PXDNL: variants seen among roughly 807,000 people sequenced by gnomAD.
PXDNL encodes peroxidasin like, also known as probable oxidoreductase PXDNL.
Under a neutral mutation model 150.8 loss-of-function variants are expected in PXDNL, and 145 were observed. The observed-to-expected ratio is 0.96, with a 90% CI of 0.84 to 1.10. The LOEUF is 1.10. PXDNL is among the 50% of genes least tolerant of loss of function. The pLI is 0.00. For synonymous variants in PXDNL, 757 were observed against 725.7 expected, an observed-to-expected ratio of 1.04 and a Z score of -0.69; for missense variants, 2,087 against 1,873.9, an observed-to-expected ratio of 1.11 and a Z score of -2.10.
At chr8:51,772,255 C>T (rs1331838941) in intron 1 of PXDNL, among the ~76,000 whole-genome samples, 1 of 151,528 alleles carries the variant, frequency 6.6e-6, no homozygotes, top group Non-Finnish European at 1.5e-5. Context: ...CACACACACA[C>T]ACACACACAT....
intron 14 of PXDNL, among the ~76,000 whole-genome samples, chr8:51,422,184 T>C (rs571860397): frequency 1.1e-4 from 16 of 152,174 alleles, no homozygotes; most frequent in Middle Eastern, 3.4e-3. Context: ...AAAAACAAGG[T>C]CAGGGCTCCC....
chr8:51,495,712 C>G (rs1811030696), intron 5 of PXDNL, among the ~76,000 whole-genome samples: 1 of 152,120 alleles, frequency 6.6e-6, no homozygotes. Flanking sequence ...CACATACACC[C>G]TCCCAAGACT....
chr8:51,652,321 C>T (rs1815056576), intron 2 of PXDNL, among the ~76,000 whole-genome samples: 4 of 151,970 alleles, frequency 2.6e-5, no homozygotes, highest in Admixed American at 2.6e-4. Flanking sequence ...TAACAAATTC[C>T]TCTGAAGTCT....
chr8:51,723,960 G>A (rs748672331), intron 1 of PXDNL, among the ~76,000 whole-genome samples: 22 of 151,986 alleles, frequency 1.4e-4, no homozygotes, highest in Non-Finnish European at 2.6e-4. Context: ...CAGGGGTGGA[G>A]AAGAGGAAAT....
At chr8:51,499,992 C>T (rs1286925089) in intron 4 of PXDNL, among the ~76,000 whole-genome samples, 1 of 152,154 alleles carries the variant, frequency 6.6e-6, no homozygotes, top group Admixed American at 6.5e-5. Context: ...AAAGCCCACC[C>T]AGAAAGGAGC....
intron 17 of PXDNL, among the ~76,000 whole-genome samples, chr8:51,406,700 C>G (rs1477882592): frequency 6.6e-6 from 1 of 152,134 alleles, no homozygotes; most frequent in African/African-American, 2.4e-5. Context: ...TGCTGTGAGC[C>G]TTCCATTTCT....
chr8:51,692,209 C>T (rs1182680014), intron 1 of PXDNL, among the ~76,000 whole-genome samples: 1 of 152,144 alleles, frequency 6.6e-6, no homozygotes, highest in Non-Finnish European at 1.5e-5. Flanking sequence ...AAGGATCTGA[C>T]TGATGAGCAT....
intron 3 of PXDNL, among the ~76,000 whole-genome samples, chr8:51,562,508 T>G (rs554989044): frequency 4.6e-5 from 7 of 152,118 alleles, no homozygotes; most frequent in Admixed American, 4.6e-4. Context: ...GACACTAAAA[T>G]TTTGGGGAAA....
At chr8:51,683,064 T>G (rs1035119756) in intron 1 of PXDNL, among the ~76,000 whole-genome samples, 12 of 150,580 alleles carry the variant, frequency 8.0e-5, no homozygotes, top group African/African-American at 2.7e-4. Flanking sequence ...CTGAGGAATC[T>G]CCATACTGTT....
intron 17 of PXDNL, among the ~76,000 whole-genome samples, chr8:51,378,654 G>A (rs562847278): frequency 6.6e-6 from 1 of 152,290 alleles, no homozygotes; most frequent in East Asian, 1.9e-4. Context: ...GGCTTTATGA[G>A]CTGTAACACT....
At chr8:51,471,313 T>C in intron 8 of PXDNL, among the ~76,000 whole-genome samples, 1 of 152,230 alleles carries the variant, frequency 6.6e-6, no homozygotes, top group Non-Finnish European at 1.5e-5. Context: ...AGAATGGTGA[T>C]CACATTTAAC....
chr8:51,691,537 A>T (rs1648867934), intron 1 of PXDNL, among the ~76,000 whole-genome samples: 1 of 152,154 alleles, frequency 6.6e-6, no homozygotes, highest in African/African-American at 2.4e-5. Context: ...AGAGACAAAC[A>T]TTTACAAGTA....
At chr8:51,378,414 T>G (rs1479470476) in intron 17 of PXDNL, among the ~76,000 whole-genome samples, 2 of 152,200 alleles carry the variant, frequency 1.3e-5, no homozygotes, top group Non-Finnish European at 2.9e-5. Flanking sequence ...CTTTTGTGCC[T>G]AGCTCAGGGA....
intron 1 of PXDNL, among the ~76,000 whole-genome samples, chr8:51,721,071 G>A (rs112833976): frequency 0.014 from 2,064 of 152,366 alleles, 29 homozygotes; most frequent in South Asian, 0.045. Flanking sequence ...ACAAGTCTCA[G>A]AGCCTCCTGG....
intron 1 of PXDNL, among the ~76,000 whole-genome samples, chr8:51,668,176 C>CTCTTTTTTTTTTTTT (rs1554564343): frequency 1.8e-4 from 14 of 77,386 alleles, no homozygotes; most frequent in East Asian, 9.8e-4. Flanking sequence ...CTCGCTCTCT[C>CTCTTTTTTTTTTTTT]TTTTTTTTTT....
At position 51,408,590 on chromosome 8, in the gene PXDNL, T is replaced by C. The variant is rs766162002; in HGVS notation, c.3034A>G (p.Ile1012Val). The change falls in exon 17 of 23, where the codon ATC becomes GTC. Residue 1012 changes from isoleucine to valine, a missense_variant. Transcript: ENST00000356297. ...RKIVGAELQH[I>V]TYSHWLPKVL... Reference sequence around the variant, plus strand: ...TTAGGCAGCCAGTGGCTGTAGGTGATGTGCTGCAGCTCCGCGCCCACGATC... The same window carrying C: ...TTAGGCAGCCAGTGGCTGTAGGTGACGTGCTGCAGCTCCGCGCCCACGATC... 1.2e-6 allele frequency: 2 copies of C among 1,612,504 alleles called. No homozygotes were observed. The highest frequency in any genetic ancestry group is 1.7e-6 in the Non-Finnish European group (2 of 1,179,356).
chr8:51,471,676 A>G (rs1810337022), intron 8 of PXDNL, among the ~76,000 whole-genome samples: 1 of 150,700 alleles, frequency 6.6e-6, no homozygotes, highest in African/African-American at 2.5e-5. Flanking sequence ...CTGGAAATGC[A>G]TAATTTTTTT....
At chr8:51,430,006 G>A (rs756387354) in intron 12 of PXDNL, among the ~76,000 whole-genome samples, 7 of 152,072 alleles carry the variant, frequency 4.6e-5, no homozygotes, top group Non-Finnish European at 7.4e-5. Flanking sequence ...GTCAGCCTAC[G>A]TGCCAGTGAT....
intron 21 of PXDNL, among the ~76,000 whole-genome samples, chr8:51,321,822 G>GGGCGTT (rs1805325330): frequency 6.6e-6 from 1 of 152,136 alleles, no homozygotes. Flanking sequence ...AACTAACACA[G>GGGCGTT]AAGCCACACT....
Sources: allele counts gnomAD v4.1 joint callset (sites outside exome capture counted in the v4.1 genomes callset), GRCh38; gene constraint gnomAD v4.1.1; transcripts MANE v1.5; gene names NCBI Gene and HGNC (gene_info 2026-07-23, HGNC 2026-07-21).